TDRD9: variants seen among roughly 807,000 people sequenced by gnomAD.
TDRD9 encodes ATP-dependent RNA helicase TDRD9.
A neutral mutation model predicts 172.6 loss-of-function variants in TDRD9; 124 were observed. The ratio of observed to expected loss-of-function variants is 0.72; its 90% confidence interval spans 0.62 to 0.83. The LOEUF is 0.83. Ranked by LOEUF, TDRD9 falls within the 40% of genes least tolerant of loss-of-function variation. TDRD9 has a pLI of 0.00. For synonymous variants in TDRD9, 619 were observed against 617.1 expected, an observed-to-expected ratio of 1.00 and a Z score of -0.05; for missense variants, 1,479 against 1,714.1, an observed-to-expected ratio of 0.86 and a Z score of 2.42.
intron 16 of TDRD9, 27 bp from the exon 17 acceptor site, chr14:104,006,618 AT>A (rs778666403): frequency 6.2e-7 from 1 of 1,613,266 alleles, no homozygotes; most frequent in Non-Finnish European, 8.5e-7. Flanking sequence ...ACAATCTTAC[AT>A]TCTTCTTGTT....
intron 12 of TDRD9, 140 bp from the exon 13 acceptor site, chr14:103,998,484 G>A: frequency 1.6e-6 from 1 of 613,774 alleles, no homozygotes; most frequent in East Asian, 2.7e-5. Context: ...GGAGTGGTCG[G>A]TGCGTGGCCA....
intron 11 of TDRD9, among the ~76,000 whole-genome samples, 155 bp from the exon 12 acceptor site, chr14:103,995,595 T>C (rs976279929): frequency 6.6e-6 from 1 of 152,232 alleles, no homozygotes; most frequent in African/African-American, 2.4e-5. Context: ...TGATCAATTG[T>C]GATGTGTATA....
chr14:103,961,834 T>C (rs2032526513), intron 2 of TDRD9, among the ~76,000 whole-genome samples: 1 of 152,064 alleles, frequency 6.6e-6, no homozygotes, highest in African/African-American at 2.4e-5. Flanking sequence ...AGGGAAAAGA[T>C]GTAGGAAAAC....
intron 1 of TDRD9, chr14:103,941,852 A>G (rs1445126899): frequency 3.2e-6 from 2 of 615,558 alleles, no homozygotes; most frequent in African/African-American, 3.7e-5. Flanking sequence ...AACATGGATT[A>G]ACGTCTTAAT....
chr14:103,936,808 A>G (rs771701871), intron 1 of TDRD9, among the ~76,000 whole-genome samples: 1 of 152,192 alleles, frequency 6.6e-6, no homozygotes, highest in Non-Finnish European at 1.5e-5. Context: ...TTGTTGAATG[A>G]TGGCCTGGCA....
chr14:104,034,742 G>T (rs1381226311), intron 31 of TDRD9, among the ~76,000 whole-genome samples: 1 of 152,186 alleles, frequency 6.6e-6, no homozygotes, highest in Admixed American at 6.5e-5. Flanking sequence ...TCCCCAAGTG[G>T]GGTAAAAGCT....
chr14:103,956,238 G>A (rs1053858966), intron 2 of TDRD9, among the ~76,000 whole-genome samples: 14 of 146,588 alleles, frequency 9.6e-5, no homozygotes, highest in Admixed American at 7.5e-4. Flanking sequence ...AGGAGATTGA[G>A]ACCATCCTGA....
At chr14:104,037,820 C>A (rs1459848657) in intron 32 of TDRD9, among the ~76,000 whole-genome samples, 3 of 152,204 alleles carry the variant, frequency 2.0e-5, no homozygotes, top group African/African-American at 4.8e-5. Context: ...TGATCCACCA[C>A]ACATCTGTCC....
chr14:103,987,637 T>A (rs769135107), intron 8 of TDRD9, among the ~76,000 whole-genome samples: 2 of 152,222 alleles, frequency 1.3e-5, no homozygotes, highest in Non-Finnish European at 2.9e-5. Context: ...TTTCTGTTCT[T>A]TTAAATTTAT....
At chr14:103,956,079 TAAAAAAAAAAAAA>T (rs60712068) in intron 2 of TDRD9, among the ~76,000 whole-genome samples, 8 of 25,166 alleles carry the variant, frequency 3.2e-4, no homozygotes, top group African/African-American at 4.5e-4. Context: ...ACCCTCTCTT[TAAAAAAAAAAAAA>T]AAAAAAAAAA....
chr14:103,939,764 T>TTTTTTTTA (rs61621268), intron 1 of TDRD9: 1 of 133,076 alleles, frequency 7.5e-6, no homozygotes, highest in African/African-American at 2.8e-5. Flanking sequence ...TTTTTTTTTT[T>TTTTTTTTA]GAGACAAGGT....
At chr14:104,048,341 C>T (rs1008573549) in intron 34 of TDRD9, among the ~76,000 whole-genome samples, 3 of 152,158 alleles carry the variant, frequency 2.0e-5, no homozygotes, top group Non-Finnish European at 4.4e-5. Flanking sequence ...TGGGCTCTGG[C>T]GATCCTCCTG....
intron 34 of TDRD9, chr14:104,049,392 C>G: frequency 2.7e-6 from 1 of 365,226 alleles, no homozygotes; most frequent in South Asian, 4.0e-5. Flanking sequence ...AAGACTAGGT[C>G]TTACAGATCT....
At chr14:104,033,132 G>A (rs1304727842) in intron 30 of TDRD9, among the ~76,000 whole-genome samples, 5 of 152,190 alleles carry the variant, frequency 3.3e-5, no homozygotes, top group South Asian at 4.1e-4. Context: ...TGAAAGGGCC[G>A]TGAACCTTAC....
chr14:103,959,860 G>A (rs2032428365), intron 2 of TDRD9, among the ~76,000 whole-genome samples: 1 of 152,066 alleles, frequency 6.6e-6, no homozygotes, highest in Non-Finnish European at 1.5e-5. Flanking sequence ...CTAGGTTGTC[G>A]ACTCCTGAAG....
chr14:103,966,538 C>A (rs935485015), intron 4 of TDRD9, among the ~76,000 whole-genome samples, 171 bp from the exon 5 acceptor site: 1 of 151,712 alleles, frequency 6.6e-6, no homozygotes, highest in African/African-American at 2.4e-5. Context: ...CGCCCTCCCC[C>A]CAAAAAAGAA....
intron 33 of TDRD9, among the ~76,000 whole-genome samples, chr14:104,041,834 A>T (rs2035619751): frequency 6.6e-6 from 1 of 152,226 alleles, no homozygotes; most frequent in African/African-American, 2.4e-5. Flanking sequence ...ATCTGTAGGT[A>T]TTTATTCAAG....
intron 20 of TDRD9, chr14:104,013,648 C>T (rs1248476353): frequency 6.6e-6 from 1 of 152,256 alleles, no homozygotes; most frequent in Non-Finnish European, 1.5e-5. Context: ...TCTTGCCAGG[C>T]ATGGTGGCAC....
rs1040258800 is a variant in TDRD9 at position 104,014,902 on chromosome 14, G to T, written c.2223+61G>T. On this transcript the variant is annotated intron_variant, in intron 21 of 35. Coordinates refer to ENST00000409874, the MANE Select transcript of TDRD9 (RefSeq NM_153046.3). ...TTCTTTCTGCTTACAAGGTCTTGTG[G>T]TCGAGAAACTGCTTATTCCTGCTTT... The T allele has an allele frequency of 4.5e-5, 45 of 990,146 alleles. No homozygotes were observed. The African/African-American group carries it at 6.4e-4, about 14-fold the overall frequency. 61.3% of individuals were successfully genotyped at this position (990,146 alleles called of 1,614,324 possible).
Sources: gnomAD v4.1 joint callset for allele counts (sites outside exome capture counted in the v4.1 genomes callset) on GRCh38, gnomAD v4.1.1 for gene constraint, MANE v1.5 for transcripts, NCBI Gene and HGNC (gene_info 2026-07-23, HGNC 2026-07-21) for gene names.